RBFOX1: variants seen among roughly 807,000 people sequenced by gnomAD.
The protein encoded by RBFOX1 is RNA binding protein fox-1 homolog 1.
A neutral mutation model predicts 57.7 loss-of-function variants in RBFOX1; 8 were observed. That is an observed-to-expected ratio of 0.14 (90% CI 0.08 to 0.25). The LOEUF is 0.25. RBFOX1 is among the 10% of genes least tolerant of loss of function. The probability of loss-of-function intolerance (pLI) is 1.00; values close to 1 mark genes in which losing one functional copy is unlikely to be tolerated. For missense variants in RBFOX1, 611 were observed against 548.5 expected (o/e 1.11, Z -1.14); for synonymous variants, 326 against 222.4 (o/e 1.47, Z -4.15).
intron 1 of RBFOX1, among the ~76,000 whole-genome samples, chr16:5,242,051 C>T (rs1475387126): frequency 1.3e-5 from 2 of 151,960 alleles, no homozygotes; most frequent in African/African-American, 2.4e-5. Context: ...GAAGGTCCAG[C>T]TGCAGTGAGC....
At chr16:6,885,800 G>C (rs1239271433) in intron 3 of RBFOX1, among the ~76,000 whole-genome samples, 2 of 152,088 alleles carry the variant, frequency 1.3e-5, no homozygotes, top group South Asian at 2.1e-4. Context: ...CAAAATGCTG[G>C]GATTACGGGC....
chr16:6,591,619 C>T (rs1037313031), intron 2 of RBFOX1, among the ~76,000 whole-genome samples: 16 of 152,158 alleles, frequency 1.1e-4, no homozygotes, highest in African/African-American at 3.1e-4. Context: ...ATAGAAACTG[C>T]TTTTCTTCAG....
chr16:6,371,279 A>G (rs905431379), intron 2 of RBFOX1, among the ~76,000 whole-genome samples: 6 of 152,186 alleles, frequency 3.9e-5, no homozygotes, highest in Admixed American at 6.5e-5. Context: ...GTCTGAGTCA[A>G]TTATGATTAT....
chr16:6,664,591 T>G (rs938503037), intron 3 of RBFOX1, among the ~76,000 whole-genome samples: 1 of 152,192 alleles, frequency 6.6e-6, no homozygotes, highest in Non-Finnish European at 1.5e-5. Context: ...CAGCTGCGCA[T>G]GTAGCCCACC....
chr16:7,330,232 C>T (rs1261363313), intron 4 of RBFOX1, among the ~76,000 whole-genome samples: 8 of 152,010 alleles, frequency 5.3e-5, no homozygotes, highest in Non-Finnish European at 8.8e-5. Flanking sequence ...TTGCATATAA[C>T]CTATGCACAT....
intron 3 of RBFOX1, among the ~76,000 whole-genome samples, chr16:5,683,657 T>C (rs1305093130): frequency 6.6e-6 from 1 of 151,972 alleles, no homozygotes; most frequent in Non-Finnish European, 1.5e-5. Context: ...TTGGACTGTC[T>C]CTCCTTGCTC....
intron 3 of RBFOX1, among the ~76,000 whole-genome samples, chr16:5,810,247 G>A (rs1029343203): frequency 1.1e-4 from 16 of 152,008 alleles, no homozygotes; most frequent in Admixed American, 3.3e-4. Flanking sequence ...AATGGGTGCA[G>A]CACACCAGAA....
chr16:7,580,728 G>A (rs561132260), intron 6 of RBFOX1, among the ~76,000 whole-genome samples: 1 of 152,140 alleles, frequency 6.6e-6, no homozygotes, highest in African/African-American at 2.4e-5. Flanking sequence ...ACATGAGTTT[G>A]CCATTTCTTT....
chr16:6,106,573 C>T (rs760847154), intron 1 of RBFOX1, among the ~76,000 whole-genome samples: 9 of 152,102 alleles, frequency 5.9e-5, no homozygotes, highest in Admixed American at 1.3e-4. Context: ...CATGGACTTT[C>T]GTTCAGAAAG....
chr16:5,888,211 C>T (rs1032888387), intron 4 of RBFOX1, among the ~76,000 whole-genome samples: 5 of 152,078 alleles, frequency 3.3e-5, no homozygotes, highest in Admixed American at 2.6e-4. Flanking sequence ...TTTCCTCTGC[C>T]GGGAATGGTC....
chr16:6,976,409 G>C (rs990721855), intron 3 of RBFOX1, among the ~76,000 whole-genome samples: 2 of 152,088 alleles, frequency 1.3e-5, no homozygotes, highest in African/African-American at 2.4e-5. Flanking sequence ...CCAGTTTCCA[G>C]AGGCGAGCAT....
In RBFOX1 at chr16:6,795,375, TAAG is replaced by T. The variant is rs1035286163; in HGVS notation, c.-16+140731_-16+140733del. 5.9e-5 allele frequency among the ~76,000 whole-genome samples: 9 copies of T among 152,102 alleles called. No individual in the cohort carries two copies. In the South Asian group the frequency reaches 1.7e-3, roughly 28 times the overall value. On this transcript the variant is annotated intron_variant, in intron 3 of 15. Coordinates refer to ENST00000550418, the MANE Select transcript of RBFOX1 (RefSeq NM_018723.4). ...CATTTCACCCGAGTCCACAACAAAATAAGAAGAAAAAAAATCAGCTCTGGGGAG... is the reference window on the plus strand; with the variant it reads ...CATTTCACCCGAGTCCACAACAAAATAAGAAAAAAAATCAGCTCTGGGGAG...
At chr16:5,413,713 C>G (rs2067085976) in intron 1 of RBFOX1, among the ~76,000 whole-genome samples, 2 of 152,272 alleles carry the variant, frequency 1.3e-5, no homozygotes, top group South Asian at 4.1e-4. Context: ...AAGCAAGTCT[C>G]TTTCTCGTGG....
chr16:6,478,350 G>A (rs113514333), intron 2 of RBFOX1, among the ~76,000 whole-genome samples: 2,771 of 125,588 alleles, frequency 0.022, 99 homozygotes, highest in African/African-American at 0.069. Context: ...AGCCTCCCAA[G>A]TAGCTGGGAT....
intron 1 of RBFOX1, among the ~76,000 whole-genome samples, chr16:6,099,462 A>G (rs1679738674): frequency 6.6e-6 from 1 of 152,212 alleles, no homozygotes; most frequent in Admixed American, 6.5e-5. Flanking sequence ...CTATTTTTAT[A>G]AAATATCCAG....
At chr16:7,367,602 C>T (rs1380319522) in intron 4 of RBFOX1, among the ~76,000 whole-genome samples, 1 of 152,150 alleles carries the variant, frequency 6.6e-6, no homozygotes, top group Non-Finnish European at 1.5e-5. Flanking sequence ...TCTCTAACTC[C>T]AGACTCTGAT....
chr16:6,956,938 G>A (rs1237814898), intron 3 of RBFOX1, among the ~76,000 whole-genome samples: 1 of 152,076 alleles, frequency 6.6e-6, no homozygotes, highest in African/African-American at 2.4e-5. Flanking sequence ...GACCCCAAGT[G>A]AGAGTTTTTG....
intron 1 of RBFOX1, among the ~76,000 whole-genome samples, chr16:6,143,460 A>G (rs914483956): frequency 1.2e-4 from 18 of 152,188 alleles, no homozygotes; most frequent in African/African-American, 3.6e-4. Flanking sequence ...CCCAATGCTC[A>G]CAAAATGAAG....
chr16:6,918,992 T>G (rs1423999700), intron 3 of RBFOX1, among the ~76,000 whole-genome samples: 1 of 152,168 alleles, frequency 6.6e-6, no homozygotes, highest in Non-Finnish European at 1.5e-5. Flanking sequence ...TTTGTTTGTT[T>G]GTTTTTGAGG....
Sources: gnomAD v4.1 joint callset for allele counts (sites outside exome capture counted in the v4.1 genomes callset) on GRCh38, gnomAD v4.1.1 for gene constraint, MANE v1.5 for transcripts, NCBI Gene and HGNC (gene_info 2026-07-23, HGNC 2026-07-21) for gene names.